The following VAMP5 variants were observed in gnomAD, a reference collection of about 807,000 sequenced individuals.
The protein encoded by VAMP5 is vesicle associated membrane protein 5, also known as vesicle-associated membrane protein 5.
In VAMP5, 10 loss-of-function variants were observed where a neutral mutation model predicts 8.1. That is an observed-to-expected ratio of 1.23 (90% CI 0.76 to 2.09). The LOEUF is 2.09. Ranked by LOEUF, VAMP5 falls within the 30% of genes most tolerant of loss-of-function variation. The pLI, the probability that VAMP5 is intolerant of heterozygous loss-of-function variation, is 0.00. For synonymous variants in VAMP5, 62 were observed against 60.6 expected, an observed-to-expected ratio of 1.02 and a Z score of -0.11; for missense variants, 135 against 152.5, an observed-to-expected ratio of 0.89 and a Z score of 0.60.
In VAMP5 at chr2:85,593,022, C is replaced by T. The variant is rs372644144; in HGVS notation, c.216C>T (p.Cys72=). Residue 72 remains cysteine (C), a synonymous_variant, in exon 3 of 3, where the codon TGC becomes TGT. Coordinates refer to ENST00000306384, the MANE Select transcript of VAMP5 (RefSeq NM_006634.3). ...GGGAGAACATCCGTTACCGGATCTG[C>T]GTGGGGCTGGTGGTGGTTGGTGTCC... is the stretch of plus-strand genomic sequence containing the variant. The part of the protein sequence containing the change: ...KCWENIRYRI[C]VGLVVVGVLL... 7.1e-5 allele frequency: 115 copies of T among 1,614,034 alleles called. No homozygotes were observed. The highest frequency in any genetic ancestry group is 2.1e-4 in the African/African-American group (16 of 74,912).
intron 1 of VAMP5, among the ~76,000 whole-genome samples, chr2:85,590,446 G>T (rs1378959159): frequency 6.6e-6 from 1 of 152,134 alleles, no homozygotes; most frequent in Non-Finnish European, 1.5e-5. Context: ...GGTCCAGCTG[G>T]GGAGATAGGA....
chr2:85,588,682 A>G (rs1672497121), intron 1 of VAMP5, among the ~76,000 whole-genome samples: 1 of 151,882 alleles, frequency 6.6e-6, no homozygotes, highest in African/African-American at 2.4e-5. Flanking sequence ...TGGCTCAAAA[A>G]CCACACTAGC....
In VAMP5 at chr2:85,584,489, C is replaced by T. The variant is rs1573348507; in HGVS notation, c.-2C>T. On this transcript the variant is annotated 5_prime_UTR_variant, in exon 1 of 3. Transcript: ENST00000306384. ...GCGGGCGAGGCGGCGGCGGCAGCAG[C>T]GATGGTGAGGGCCCAGGCGGGGCCG... 1 of 1,243,322 alleles carries T rather than the reference C, an allele frequency of 8.0e-7. No homozygotes were observed. Among genetic ancestry groups the T allele is most frequent in the Non-Finnish European group, 1.0e-6 (1 of 994,992 alleles). The allele number at this position is 1,243,322 out of a possible 1,614,324, so 77.0% of individuals were successfully genotyped here.
chr2:85,592,360 G>T (rs1040189845), intron 2 of VAMP5, among the ~76,000 whole-genome samples: 3 of 152,212 alleles, frequency 2.0e-5, no homozygotes, highest in African/African-American at 7.2e-5. Flanking sequence ...GCTTTCCAAT[G>T]TGCTGGGATT....
At chr2:85,592,914 C>T (rs775717819) in intron 2 of VAMP5, 34 bp from the exon 3 acceptor site, 86 of 1,611,716 alleles carry the variant, frequency 5.3e-5, no homozygotes, top group Non-Finnish European at 7.1e-5. Flanking sequence ...AGGGTGCCAG[C>T]TAACTCCCAC....
rs199728973 is a variant in VAMP5, at chr2:85,593,009, G to A, written c.203G>A (p.Arg68His). 236 of 1,614,018 alleles carry A rather than the reference G, an allele frequency of 1.5e-4. No homozygotes were observed. The highest frequency in any genetic ancestry group is 1.2e-4 in the Non-Finnish European group (141 of 1,180,038). The change falls in exon 3 of 3, where the codon CGT becomes CAT. Residue 68 changes from arginine (R) to histidine (H), a missense_variant. Physicochemically the swap from Arg to His is conservative, Grantham distance 29. Transcript: ENST00000306384. ...LAQKKCWENI[R>H]YRICVGLVVV... ...CAGAAGAAGTGCTGGGAGAACATCC[G>A]TTACCGGATCTGCGTGGGGCTGGTG...
chr2:85,587,297 G>A (rs1019425354), intron 1 of VAMP5, among the ~76,000 whole-genome samples: 6 of 149,762 alleles, frequency 4.0e-5, no homozygotes, highest in East Asian at 2.0e-4. Flanking sequence ...TCGCTCTGTC[G>A]CCCAGGCTGG....
intron 1 of VAMP5, among the ~76,000 whole-genome samples, chr2:85,586,886 TA>T (rs1672468983): frequency 6.6e-6 from 1 of 151,786 alleles, no homozygotes; most frequent in South Asian, 2.1e-4. Flanking sequence ...CCACCCTGGC[TA>T]ACACGGTGAA....
chr2:85,593,312 G>A lies in VAMP5; in HGVS notation c.*155G>A. On this transcript the variant is annotated 3_prime_UTR_variant, in exon 3 of 3. Transcript: ENST00000306384. ...TGCATTTCCTGTCATGCCACAGACT[G>A]GCCCTTGAGGGCAGCCTGCTGTACT... 2 of 801,750 alleles carry A rather than the reference G, an allele frequency of 2.5e-6. No individual in the cohort carries two copies. The highest frequency in any genetic ancestry group is 4.0e-6 in the Non-Finnish European group (2 of 497,108). 49.7% of individuals were successfully genotyped at this position (801,750 alleles called of 1,614,324 possible). A position where few individuals can be genotyped will look rare whatever the true frequency, so the allele number is the denominator to read the frequency against.
chr2:85,586,805 C>T (rs1672467496), intron 1 of VAMP5, among the ~76,000 whole-genome samples: 1 of 152,164 alleles, frequency 6.6e-6, no homozygotes, highest in African/African-American at 2.4e-5. Context: ...GGCGCGGTGG[C>T]TCACGCCTGT....
At chr2:85,587,690 T>C (rs1317262703) in intron 1 of VAMP5, among the ~76,000 whole-genome samples, 1 of 152,212 alleles carries the variant, frequency 6.6e-6, no homozygotes, top group Non-Finnish European at 1.5e-5. Context: ...TGATTTACAA[T>C]AAGTCACATA....
At position 85,593,197 on chromosome 2, in the gene VAMP5, G is replaced by A. The variant is rs1401919677; in HGVS notation, c.*40G>A. 6.2e-7 allele frequency: 1 copy of A among 1,607,388 alleles called. No homozygotes were observed. Among genetic ancestry groups the A allele is most frequent in the Non-Finnish European group, 8.5e-7 (1 of 1,176,520 alleles). ...AAGGAGAAGCCAAATGGCTGCACTG[G>A]CCGATTCTGGTCTCCAGAGGACCTT... is the stretch of plus-strand genomic sequence containing the variant. On this transcript the variant is annotated 3_prime_UTR_variant, in exon 3 of 3. Transcript: ENST00000306384.
At chr2:85,592,737 G>T (rs1177541599) in intron 2 of VAMP5, among the ~76,000 whole-genome samples, 4 of 148,070 alleles carry the variant, frequency 2.7e-5, no homozygotes, top group East Asian at 2.0e-4. Context: ...GGAGGCAGAG[G>T]TTGCAGTGAG....
At chr2:85,586,936 G>A (rs112073750) in intron 1 of VAMP5, among the ~76,000 whole-genome samples, 4 of 151,966 alleles carry the variant, frequency 2.6e-5, no homozygotes, top group South Asian at 2.1e-4. Flanking sequence ...TTAGCTGGGC[G>A]TGGTGGCAGG....
chr2:85,593,180 GC>G lies in VAMP5; in HGVS notation c.*25del. 1 of 1,613,174 alleles carries G rather than the reference GC, an allele frequency of 6.2e-7. No homozygotes were observed. Among genetic ancestry groups the G allele is most frequent in the Non-Finnish European group, 8.5e-7 (1 of 1,179,744 alleles). ...TGACCCAGCTGGTCCTGAAGGAGAAGCCAAATGGCTGCACTGGCCGATTCTG... is the reference window on the plus strand; with the variant it reads ...TGACCCAGCTGGTCCTGAAGGAGAAGCAAATGGCTGCACTGGCCGATTCTG... On this transcript the variant is annotated 3_prime_UTR_variant, in exon 3 of 3. Coordinates refer to ENST00000306384, the MANE Select transcript of VAMP5 (RefSeq NM_006634.3).
chr2:85,587,288 C>T (rs188094001), intron 1 of VAMP5, among the ~76,000 whole-genome samples: 123 of 150,776 alleles, frequency 8.2e-4, no homozygotes, highest in African/African-American at 2.9e-3. Context: ...GACAGAATCT[C>T]GCTCTGTCGC....
chr2:85,590,301 T>C lies in VAMP5; in HGVS notation c.4-1424T>C, dbSNP rs185832472. Among the ~76,000 whole-genome samples the C allele has an allele frequency of 5.3e-5, 8 of 152,266 alleles. No homozygotes were observed. The East Asian group carries it at 1.5e-3, about 29-fold the overall frequency. On this transcript the variant is annotated intron_variant, in intron 1 of 2. Transcript: ENST00000306384. Reference sequence around the variant, plus strand: ...ACATCTCTTGAGAATAAGAATTGCTTTTGGTTAGGCTGTATCGTAATTGGC... The same window carrying C: ...ACATCTCTTGAGAATAAGAATTGCTCTTGGTTAGGCTGTATCGTAATTGGC...
intron 1 of VAMP5, among the ~76,000 whole-genome samples, chr2:85,585,843 C>G (rs1052121600): frequency 6.6e-6 from 1 of 152,216 alleles, no homozygotes; most frequent in Non-Finnish European, 1.5e-5. Context: ...CCCTTTCCCT[C>G]CCTGGTCCTT....
At chr2:85,587,820 G>T (rs1197835148) in intron 1 of VAMP5, among the ~76,000 whole-genome samples, 1 of 152,138 alleles carries the variant, frequency 6.6e-6, no homozygotes, top group African/African-American at 2.4e-5. Context: ...CAACAGACGG[G>T]TGCAAAGCAG....
Sources: allele counts gnomAD v4.1 joint callset (sites outside exome capture counted in the v4.1 genomes callset), GRCh38; gene constraint gnomAD v4.1.1; transcripts MANE v1.5; gene names NCBI Gene and HGNC (gene_info 2026-07-23, HGNC 2026-07-21).